The following ZDHHC11B variants were observed in gnomAD, a reference collection of about 807,000 sequenced individuals.
ZDHHC11B encodes probable palmitoyltransferase ZDHHC11B.
A neutral mutation model predicts 42.3 loss-of-function variants in ZDHHC11B; 17 were observed. The observed-to-expected ratio is 0.40, with a 90% CI of 0.27 to 0.60. The LOEUF (loss-of-function observed/expected upper bound fraction) is 0.60. Ranked by LOEUF, ZDHHC11B falls within the 20% of genes least tolerant of loss-of-function variation. ZDHHC11B has a pLI of 0.41. For synonymous variants in ZDHHC11B, 123 were observed against 193.5 expected, an observed-to-expected ratio of 0.64 and a Z score of 3.02; for missense variants, 262 against 463.2, an observed-to-expected ratio of 0.57 and a Z score of 3.99.
intron 13 of ZDHHC11B, among the ~76,000 whole-genome samples, chr5:714,935 T>C (rs1280282463): frequency 1.3e-5 from 2 of 151,550 alleles, no homozygotes; most frequent in Non-Finnish European, 2.9e-5. Context: ...GAGACCTTGT[T>C]GTTGAAAAGG....
chr5:748,898 C>CCTCA (rs555330076), intron 7 of ZDHHC11B, among the ~76,000 whole-genome samples: 6,183 of 117,806 alleles, frequency 0.052, 484 homozygotes, highest in African/African-American at 0.15. Flanking sequence ...CCCACCCCTT[C>CCTCA]CTAAGTGCTG....
intron 6 of ZDHHC11B, 130 bp from the exon 7 acceptor site, chr5:751,387 C>T (rs1174626377): frequency 3.1e-5 from 3 of 96,072 alleles, no homozygotes; most frequent in East Asian, 6.4e-4. Flanking sequence ...GGGGGCACAG[C>T]GGCAGGGGGC....
At chr5:724,368 C>T (rs1455214591) in intron 12 of ZDHHC11B, among the ~76,000 whole-genome samples, 1 of 101,580 alleles carries the variant, frequency 9.8e-6, no homozygotes, top group Non-Finnish European at 2.1e-5. Context: ...TCAAACCCAG[C>T]TAATTTTTTT....
chr5:717,159 G>A lies in ZDHHC11B; in HGVS notation c.1059-294C>T, dbSNP rs1485934179. Among the ~76,000 whole-genome samples, 303 of 151,266 alleles carry A rather than the reference G, an allele frequency of 2.0e-3. 5 individuals carry two copies. Among genetic ancestry groups the A allele is most frequent in the Non-Finnish European group, 3.6e-3 (242 of 67,782 alleles). On this transcript the variant is annotated intron_variant, in intron 12 of 13. Transcript: ENST00000508859. Reference sequence around the variant, plus strand: ...TGTGGTAGCCAAGGAAGCTTGTTTGGATTTCCAGCATGAAAAGTGGCGAAA... The same window carrying A: ...TGTGGTAGCCAAGGAAGCTTGTTTGAATTTCCAGCATGAAAAGTGGCGAAA...
intron 1 of ZDHHC11B, among the ~76,000 whole-genome samples, chr5:777,570 AC>A (rs1308454245): frequency 1.3e-5 from 2 of 152,026 alleles, no homozygotes; most frequent in East Asian, 1.9e-4. Flanking sequence ...CGTTCCGGCT[AC>A]CCGCTTTTAT....
intron 7 of ZDHHC11B, among the ~76,000 whole-genome samples, chr5:749,835 G>T (rs1198090839): frequency 8.1e-6 from 1 of 123,100 alleles, no homozygotes; most frequent in East Asian, 3.2e-4. Context: ...TGCTACAGGG[G>T]GAGAAGAACG....
At position 750,945 on chromosome 5, in the gene ZDHHC11B, G is replaced by C. The variant is rs1469354180; in HGVS notation, c.628+188C>G. Among the ~76,000 whole-genome samples, 2 of 113,980 alleles carry C rather than the reference G, an allele frequency of 1.8e-5. 1 individual carries two copies. The highest frequency in any genetic ancestry group is 3.9e-5 in the Non-Finnish European group (2 of 51,186). 74.8% of individuals were successfully genotyped at this position (113,980 alleles called of 152,430 possible). A position where few individuals can be genotyped will look rare whatever the true frequency, so the allele number is the denominator to read the frequency against. On this transcript the variant is annotated intron_variant, in intron 7 of 13. Transcript: ENST00000508859. ...CGCCCTCCCCGAGCCTGCCTCCCGCGCGCTGGGGGCTGCTGGGCTGTATGA... is the reference window on the plus strand; with the variant it reads ...CGCCCTCCCCGAGCCTGCCTCCCGCCCGCTGGGGGCTGCTGGGCTGTATGA...
intron 12 of ZDHHC11B, among the ~76,000 whole-genome samples, chr5:729,835 T>C (rs1742882561): frequency 6.6e-6 from 1 of 151,832 alleles, no homozygotes; most frequent in African/African-American, 2.4e-5. Flanking sequence ...GATTTCCTAT[T>C]ACTCTATGTT....
intron 1 of ZDHHC11B, among the ~76,000 whole-genome samples, chr5:773,918 A>G (rs903761175): frequency 1.3e-5 from 2 of 152,014 alleles, no homozygotes; most frequent in Non-Finnish European, 2.9e-5. Context: ...TCCAACTGGC[A>G]TCTTCAAAAC....
chr5:730,299 G>T, intron 12 of ZDHHC11B, 135 bp downstream of exon 12: 1 of 1,130,450 alleles, frequency 8.8e-7, no homozygotes, highest in South Asian at 1.7e-5. Context: ...TAAATGTTCA[G>T]TGAAGCATTT....
At chr5:756,895 G>C (rs1041453468) in intron 4 of ZDHHC11B, among the ~76,000 whole-genome samples, 3 of 151,570 alleles carry the variant, frequency 2.0e-5, no homozygotes, top group African/African-American at 7.3e-5. Flanking sequence ...CTCATTCAGG[G>C]ACTCCAGACT....
intron 4 of ZDHHC11B, among the ~76,000 whole-genome samples, chr5:758,656 G>A (rs1734175086): frequency 6.6e-6 from 1 of 151,728 alleles, no homozygotes; most frequent in Non-Finnish European, 1.5e-5. Flanking sequence ...CCAGAAACAA[G>A]GGTTCAGCTG....
At chr5:728,140 C>T (rs1411086627) in intron 12 of ZDHHC11B, among the ~76,000 whole-genome samples, 1 of 151,666 alleles carries the variant, frequency 6.6e-6, no homozygotes, top group African/African-American at 2.4e-5. Flanking sequence ...AACTGTGAAA[C>T]AGTAAAAAAG....
intron 12 of ZDHHC11B, 78 bp downstream of exon 12, chr5:730,356 A>T: frequency 1.4e-6 from 2 of 1,462,052 alleles, no homozygotes; most frequent in Non-Finnish European, 9.2e-7. Flanking sequence ...TTAAATAGAG[A>T]ACATATTTTC....
chr5:731,387 C>T (rs7720844), intron 11 of ZDHHC11B, among the ~76,000 whole-genome samples: 33,893 of 122,028 alleles, frequency 0.28, 4,066 homozygotes, highest in East Asian at 0.4. Context: ...CTGGATGGTA[C>T]CCTTAATCTG....
intron 12 of ZDHHC11B, among the ~76,000 whole-genome samples, chr5:722,719 T>C (rs1742280675): frequency 6.6e-6 from 1 of 151,462 alleles, no homozygotes; most frequent in Non-Finnish European, 1.5e-5. Flanking sequence ...GCAGCACAGC[T>C]GGGTAGCAAA....
intron 1 of ZDHHC11B, among the ~76,000 whole-genome samples, chr5:771,121 G>A (rs1436005836): frequency 4.6e-5 from 7 of 151,872 alleles, no homozygotes; most frequent in South Asian, 2.1e-4. Flanking sequence ...CACAAGAGCC[G>A]GTGGGAGGGT....
At chr5:778,213 C>G (rs1355722177) in intron 1 of ZDHHC11B, among the ~76,000 whole-genome samples, 3 of 151,748 alleles carry the variant, frequency 2.0e-5, no homozygotes, top group Admixed American at 2.0e-4. Flanking sequence ...CTCTAAAGCA[C>G]GACACAGGAC....
At chr5:772,560 G>A (rs1218422585) in intron 1 of ZDHHC11B, among the ~76,000 whole-genome samples, 2 of 151,174 alleles carry the variant, frequency 1.3e-5, no homozygotes, top group Non-Finnish European at 3.0e-5. Context: ...TTGGTGACTG[G>A]GCTTCCCAGG....
Sources: gnomAD v4.1 joint callset for allele counts (sites outside exome capture counted in the v4.1 genomes callset) on GRCh38, gnomAD v4.1.1 for gene constraint, MANE v1.5 for transcripts, NCBI Gene and HGNC (gene_info 2026-07-23, HGNC 2026-07-21) for gene names.